RGS6: variants seen among roughly 807,000 people sequenced by gnomAD.
RGS6 encodes regulator of G protein signaling 6.
Under a neutral mutation model 78.5 loss-of-function variants are expected in RGS6, and 30 were observed. That is an observed-to-expected ratio of 0.38 (90% CI 0.29 to 0.52). The LOEUF is 0.52. Ranked by LOEUF, RGS6 falls within the 20% of genes least tolerant of loss-of-function variation. The pLI is 0.85. For synonymous variants in RGS6, 206 were observed against 206.0 expected (o/e 1.00, Z 0.00); for missense variants, 495 against 609.7 (o/e 0.81, Z 1.98).
chr14:72,262,840 G>A (rs1355129813), intron 2 of RGS6, among the ~76,000 whole-genome samples: 1 of 152,116 alleles, frequency 6.6e-6, no homozygotes, highest in Non-Finnish European at 1.5e-5. Flanking sequence ...TGGATCCAGG[G>A]TCGATGTCAT....
the RGS6 span, among the ~76,000 whole-genome samples, chr14:72,584,351 G>A: frequency 6.4e-3 from 968 of 152,242 alleles, 13 homozygotes; most frequent in African/African-American, 0.022. Context: ...TTTCAGTCAG[G>A]GGAAGACAGA....
chr14:72,559,153 A>G (rs1307132578), intron 17 of RGS6, among the ~76,000 whole-genome samples: 1 of 152,234 alleles, frequency 6.6e-6, no homozygotes, highest in Non-Finnish European at 1.5e-5. Context: ...GAGAGTAAAG[A>G]GACGGGGCAG....
At chr14:72,326,616 A>C (rs1178813099) in intron 2 of RGS6, among the ~76,000 whole-genome samples, 1 of 152,176 alleles carries the variant, frequency 6.6e-6, no homozygotes, top group Non-Finnish European at 1.5e-5. Flanking sequence ...CCTCCCCAGA[A>C]GCAGATGCCA....
At chr14:72,163,740 A>G (rs979437861) in intron 2 of RGS6, among the ~76,000 whole-genome samples, 1 of 152,050 alleles carries the variant, frequency 6.6e-6, no homozygotes, top group Non-Finnish European at 1.5e-5. Context: ...AAAATTAGCC[A>G]GGTGTGGTGG....
the RGS6 span, among the ~76,000 whole-genome samples, chr14:71,887,647 G>A: frequency 6.0e-4 from 91 of 151,650 alleles, 2 homozygotes; most frequent in South Asian, 0.017. Context: ...GAAAAACTCC[G>A]CCCTGGTAAA....
rs557135540 is a variant in RGS6, at chr14:72,111,367, A to G, written c.84+146492A>G. On this transcript the variant is annotated intron_variant, in intron 2 of 17. Coordinates refer to ENST00000553525, the MANE Select transcript of RGS6 (RefSeq NM_001204424.2). ...AATCAGAAACAAATTTAACTGGTGAATGGCCATTCCATGTGGAAGGGAAGT... is the reference window on the plus strand; with the variant it reads ...AATCAGAAACAAATTTAACTGGTGAGTGGCCATTCCATGTGGAAGGGAAGT... 5.9e-5 allele frequency among the ~76,000 whole-genome samples: 9 copies of G among 152,306 alleles called. 1 individual carries two copies. In the South Asian group the frequency reaches 1.9e-3, roughly 32 times the overall value.
intron 3 of RGS6, among the ~76,000 whole-genome samples, chr14:72,358,660 C>A (rs933106021): frequency 2.6e-4 from 39 of 152,250 alleles, no homozygotes; most frequent in Admixed American, 2.0e-3. Flanking sequence ...ACCCACATTG[C>A]ATTTAGGAAG....
At chr14:72,542,371 TA>T (rs774497998) in intron 17 of RGS6, among the ~76,000 whole-genome samples, 27 of 152,328 alleles carry the variant, frequency 1.8e-4, no homozygotes, top group Middle Eastern at 3.4e-3. Flanking sequence ...CAGAACTAAC[TA>T]ACTGATCAAC....
intron 2 of RGS6, among the ~76,000 whole-genome samples, chr14:72,242,412 C>T (rs929128738): frequency 1.1e-4 from 16 of 152,312 alleles, no homozygotes; most frequent in Admixed American, 7.8e-4. Context: ...AGACTTCTTT[C>T]TGCATCTCCT....
intron 2 of RGS6, among the ~76,000 whole-genome samples, chr14:72,153,476 T>A (rs2096723582): frequency 6.6e-6 from 1 of 152,196 alleles, no homozygotes; most frequent in African/African-American, 2.4e-5. Context: ...ATCAGTGAGA[T>A]CCCTCATTCT....
At chr14:72,537,614 C>T (rs1304050932) in intron 16 of RGS6, 6 of 699,992 alleles carry the variant, frequency 8.6e-6, no homozygotes, top group African/African-American at 5.2e-5. Flanking sequence ...GAGGCCGACA[C>T]CCTCATACAT....
intron 2 of RGS6, among the ~76,000 whole-genome samples, chr14:71,968,787 C>A (rs1047319748): frequency 1.1e-4 from 16 of 152,180 alleles, no homozygotes; most frequent in Non-Finnish European, 2.1e-4. Context: ...TTTCATGTTT[C>A]TTCTGGGAGA....
At chr14:71,890,445 C>A in the RGS6 span, among the ~76,000 whole-genome samples, 1 of 151,218 alleles carries the variant, frequency 6.6e-6, no homozygotes, top group Non-Finnish European at 1.5e-5. Context: ...GCTCTCCTAA[C>A]CCCTCATTCT....
rs55789436 is a variant in RGS6 at position 72,526,175 on chromosome 14, C to T, written c.1278+7638C>T. 5.4e-3 allele frequency among the ~76,000 whole-genome samples: 813 copies of T among 151,778 alleles called. 4 individuals carry two copies. Among genetic ancestry groups the T allele is most frequent in the Admixed American group, 0.012 (188 of 15,248 alleles). On this transcript the variant is annotated intron_variant, in intron 15 of 17. Transcript: ENST00000553525. Reference sequence around the variant, plus strand: ...CTGGTGTGTGGTGGCACAATCTCGGCTCACTGCAAGCTCTGCCTCCTGGGT... The same window carrying T: ...CTGGTGTGTGGTGGCACAATCTCGGTTCACTGCAAGCTCTGCCTCCTGGGT...
intron 3 of RGS6, among the ~76,000 whole-genome samples, chr14:72,437,167 C>CAAAAA (rs71109735): frequency 2.7e-5 from 2 of 75,036 alleles, no homozygotes; most frequent in Non-Finnish European, 4.9e-5. Flanking sequence ...ACTAAAAATA[C>CAAAAA]AAAAAAAAAA....
chr14:72,361,595 G>A (rs980764567), intron 3 of RGS6, among the ~76,000 whole-genome samples: 3 of 152,156 alleles, frequency 2.0e-5, no homozygotes, highest in African/African-American at 7.2e-5. Flanking sequence ...CATTGAAATG[G>A]GATAAAGTGT....
chr14:72,569,562 C>G (rs143533352), downstream of RGS6, among the ~76,000 whole-genome samples: 1,102 of 152,178 alleles, frequency 7.2e-3, 16 homozygotes, highest in African/African-American at 0.025. Flanking sequence ...CACCTGTAAT[C>G]CCAGCTACCC....
intron 2 of RGS6, among the ~76,000 whole-genome samples, chr14:72,029,649 G>A (rs1009496021): frequency 1.3e-5 from 2 of 152,204 alleles, no homozygotes; most frequent in African/African-American, 4.8e-5. Flanking sequence ...GCGGTAGGAT[G>A]TGATAAATAT....
chr14:72,325,363 T>C (rs2073437292), intron 2 of RGS6, among the ~76,000 whole-genome samples: 1 of 152,178 alleles, frequency 6.6e-6, no homozygotes, highest in African/African-American at 2.4e-5. Flanking sequence ...TTTAATTAGA[T>C]CCCATTTCTC....
Sources: gnomAD v4.1 joint callset for allele counts (sites outside exome capture counted in the v4.1 genomes callset) on GRCh38, gnomAD v4.1.1 for gene constraint, MANE v1.5 for transcripts, NCBI Gene and HGNC (gene_info 2026-07-23, HGNC 2026-07-21) for gene names.